Variants in COPS4 observed in about 807,000 individuals in gnomAD.
The protein encoded by COPS4 is COP9 signalosome subunit 4.
In COPS4, 8 loss-of-function variants were observed where a neutral mutation model predicts 55.1. That is an observed-to-expected ratio of 0.15 (90% CI 0.09 to 0.26). The LOEUF (loss-of-function observed/expected upper bound fraction) is 0.26. COPS4 is among the 10% of genes least tolerant of loss of function. COPS4 has a pLI of 1.00. For missense variants in COPS4, 248 were observed against 484.0 expected, an observed-to-expected ratio of 0.51 and a Z score of 4.58; for synonymous variants, 185 against 165.7, an observed-to-expected ratio of 1.12 and a Z score of -0.90.
rs201884513 is a variant in COPS4 at position 83,057,083 on chromosome 4, A to G, written c.564+4A>G. On this transcript the variant is annotated splice_donor_region_variant and intron_variant, in intron 5 of 9. Transcript: ENST00000264389. ...ACAATTACAGATACATTATAAGGTA[A>G]CAGATGAGTTGATTTGGAATTACTT... 6.2e-7 allele frequency: 1 copy of G among 1,609,742 alleles called. No individual in the cohort carries two copies. The highest frequency in any genetic ancestry group is 8.5e-7 in the Non-Finnish European group (1 of 1,177,188).
intron 6 of COPS4, 104 bp from the exon 7 acceptor site, chr4:83,062,972 T>G (rs1578717875): frequency 1.1e-6 from 1 of 921,944 alleles, no homozygotes. Flanking sequence ...ATACTGGCTG[T>G]ATATTTAGTA....
chr4:83,056,728 G>A (rs1283552568), intron 4 of COPS4, among the ~76,000 whole-genome samples, 198 bp from the exon 5 acceptor site: 1 of 152,188 alleles, frequency 6.6e-6, no homozygotes, highest in Non-Finnish European at 1.5e-5. Flanking sequence ...GAACCCGGGA[G>A]GGGGAGTTTG....
At chr4:83,043,552 A>G (rs1375143269) in intron 1 of COPS4, among the ~76,000 whole-genome samples, 2 of 150,372 alleles carry the variant, frequency 1.3e-5, no homozygotes, top group Admixed American at 6.6e-5. Context: ...AAAAACCATA[A>G]CAACCACAAA....
At chr4:83,048,628 T>C (rs943752283) in intron 2 of COPS4, among the ~76,000 whole-genome samples, 1 of 152,088 alleles carries the variant, frequency 6.6e-6, no homozygotes, top group Non-Finnish European at 1.5e-5. Context: ...TTTTTTAAGA[T>C]TTTTTAATTA....
Position 83,057,286 on chromosome 4 carries a change from G to A in COPS4, c.593G>A (p.Arg198Lys). 1 of 1,608,580 alleles carries A rather than the reference G, an allele frequency of 6.2e-7. No individual in the cohort carries two copies. Among genetic ancestry groups the A allele is most frequent in the Non-Finnish European group, 8.5e-7 (1 of 1,178,358 alleles). The stretch of plus-strand genomic sequence containing the variant: ...TGCTATGCACGTGTTCTTGATTATA[G>A]AAGAAAATTCATTGAAGCTGCACAA... ...KVCYARVLDY[R>K]RKFIEAAQRY... The change falls in exon 6 of 10, where the codon AGA becomes AAA. Residue 198 changes from arginine to lysine, a missense_variant. Arg to Lys is a conservative substitution (Grantham distance 26, BLOSUM62 2). Transcript: ENST00000264389.
intron 7 of COPS4, among the ~76,000 whole-genome samples, chr4:83,064,767 C>T (rs776966168): frequency 3.3e-5 from 5 of 151,426 alleles, no homozygotes; most frequent in Non-Finnish European, 7.4e-5. Context: ...ACTGTGTTGC[C>T]CAGGCTAGTC....
chr4:83,054,697 TG>T, intron 4 of COPS4, among the ~76,000 whole-genome samples: 1 of 152,312 alleles, frequency 6.6e-6, no homozygotes, highest in Non-Finnish European at 1.5e-5. Flanking sequence ...TTATTTTCAG[TG>T]GTAGCTGAAA....
intron 9 of COPS4, among the ~76,000 whole-genome samples, chr4:83,074,461 GTT>G (rs66793416): frequency 5.5e-4 from 72 of 130,900 alleles, no homozygotes; most frequent in African/African-American, 1.3e-3. Context: ...TTTTTTAGAG[GTT>G]TTTTTTTTTT....
chr4:83,057,627 A>G (rs1731048237), intron 6 of COPS4, among the ~76,000 whole-genome samples: 1 of 152,204 alleles, frequency 6.6e-6, no homozygotes, highest in South Asian at 2.1e-4. Context: ...ATGTGGTAAG[A>G]ATAGTTAAAA....
chr4:83,069,760 T>G (rs563273698), intron 9 of COPS4, among the ~76,000 whole-genome samples: 35 of 152,328 alleles, frequency 2.3e-4, no homozygotes, highest in African/African-American at 8.4e-4. Flanking sequence ...ACACTTTAAT[T>G]TTAGATATAG....
intron 1 of COPS4, among the ~76,000 whole-genome samples, chr4:83,039,590 G>A (rs1730508055): frequency 6.6e-6 from 1 of 152,026 alleles, no homozygotes; most frequent in Admixed American, 6.6e-5. Context: ...CTGAATCAAT[G>A]GATTAAATCA....
intron 4 of COPS4, among the ~76,000 whole-genome samples, chr4:83,051,288 A>G (rs536259561): frequency 5.3e-5 from 8 of 151,950 alleles, no homozygotes; most frequent in Non-Finnish European, 1.2e-4. Flanking sequence ...GTGATATAGT[A>G]TGGATATGCA....
At chr4:83,062,035 G>C (rs1393813911) in intron 6 of COPS4, among the ~76,000 whole-genome samples, 2 of 152,116 alleles carry the variant, frequency 1.3e-5, no homozygotes, top group Non-Finnish European at 1.5e-5. Context: ...GTGTCATTGT[G>C]TTTAGGCCCT....
In COPS4 at chr4:83,049,904, T is replaced by G. The variant is rs776566721; in HGVS notation, c.330T>G (p.Leu110=). 3 of 1,608,542 alleles carry G rather than the reference T, an allele frequency of 1.9e-6. No homozygotes were observed. The highest frequency in any genetic ancestry group is 3.4e-5 in the Admixed American group (2 of 58,908). The change falls in exon 4 of 10, where the codon CTT becomes CTG. Residue 110 remains leucine (L), a synonymous_variant. Transcript: ENST00000264389. ...AGGTTGCTTCCATAAGACAGCATCT[T>G]GCATCTATATATGAGAAAGAAGAAG... The part of the protein sequence containing the change: ...EEQVASIRQH[L]ASIYEKEEDW...
chr4:83,073,137 A>G (rs1731480818), intron 9 of COPS4: 1 of 522,664 alleles, frequency 1.9e-6, no homozygotes, highest in Non-Finnish European at 3.5e-6. Context: ...TAGTTTCACG[A>G]CATTTTCATC....
At chr4:83,035,401 C>T (rs978434254) in intron 1 of COPS4, 103 bp downstream of exon 1, 3 of 983,250 alleles carry the variant, frequency 3.1e-6, no homozygotes, top group Non-Finnish European at 2.9e-6. Flanking sequence ...AGCTAGGAGC[C>T]GGCCTGACGT....
At chr4:83,042,548 T>C (rs1730594562) in intron 1 of COPS4, among the ~76,000 whole-genome samples, 1 of 151,032 alleles carries the variant, frequency 6.6e-6, no homozygotes, top group South Asian at 2.1e-4. Context: ...AAGGTCTTGC[T>C]CTGTCCAGGC....
At position 83,066,559 on chromosome 4, in the gene COPS4, T is replaced by G; in HGVS notation, c.1002+6T>G. 7.4e-7 allele frequency: 1 copy of G among 1,344,592 alleles called. No homozygotes were observed. The highest frequency in any genetic ancestry group is 1.0e-6 in the Non-Finnish European group (1 of 959,846). The allele number at this position is 1,344,592 out of a possible 1,614,324, so 83.3% of individuals were successfully genotyped here. On this transcript the variant is annotated splice_donor_region_variant and intron_variant, in intron 8 of 9. Transcript: ENST00000264389. ...TAGAGATCCCTGCAGCTAAGGTATC[T>G]TCTTGATTCCAATACATTTAAAAAA...
rs1730795503 is a variant in COPS4 at position 83,049,170 on chromosome 4, A to G, written c.159A>G (p.Val53=). Residue 53 remains valine, a synonymous_variant, in exon 3 of 10, where the codon GTA becomes GTG. Coordinates refer to ENST00000264389, the MANE Select transcript of COPS4 (RefSeq NM_016129.3). ...TTTTTTTTTTTTTTAAACAAGTGGT[A>G]AATGAGAATGTCAGTCTCGTGATCT... ...EALKAFVEAM[V]NENVSLVISR... The G allele has an allele frequency of 3.1e-6, 5 of 1,594,246 alleles. No individual in the cohort carries two copies. Among genetic ancestry groups the G allele is most frequent in the African/African-American group, 1.4e-5 (1 of 73,546 alleles).
Sources: gnomAD v4.1 joint callset for allele counts (sites outside exome capture counted in the v4.1 genomes callset) on GRCh38, gnomAD v4.1.1 for gene constraint, MANE v1.5 for transcripts, NCBI Gene and HGNC (gene_info 2026-07-23, HGNC 2026-07-21) for gene names.